Variants in RBFOX1 observed in about 807,000 individuals in gnomAD.
The protein encoded by RBFOX1 is RNA binding protein fox-1 homolog 1.
In RBFOX1, 8 loss-of-function variants were observed where a neutral mutation model predicts 57.7. That is an observed-to-expected ratio of 0.14 (90% CI 0.08 to 0.25). The LOEUF (loss-of-function observed/expected upper bound fraction) is 0.25, where lower values mean the gene tolerates loss of function less well. Among genes scored for constraint, RBFOX1 ranks in the 10% least tolerant of loss-of-function variants. The probability of loss-of-function intolerance (pLI) is 1.00; values close to 1 mark genes in which losing one functional copy is unlikely to be tolerated. For missense variants in RBFOX1, 611 were observed against 548.5 expected (o/e 1.11, Z -1.14); for synonymous variants, 326 against 222.4 (o/e 1.47, Z -4.15).
intron 1 of RBFOX1, among the ~76,000 whole-genome samples, chr16:5,373,898 C>A (rs1159894203): frequency 1.3e-5 from 2 of 152,026 alleles, no homozygotes; most frequent in East Asian, 3.9e-4. Context: ...GCCACTGTGC[C>A]CAGCCAAACT....
chr16:7,358,183 G>C (rs2097254064), intron 4 of RBFOX1, among the ~76,000 whole-genome samples: 1 of 152,194 alleles, frequency 6.6e-6, no homozygotes, highest in Admixed American at 6.5e-5. Flanking sequence ...TGGATATGCA[G>C]AAGCTGTCCT....
intron 3 of RBFOX1, among the ~76,000 whole-genome samples, chr16:6,786,485 T>C (rs867040086): frequency 6.6e-6 from 1 of 152,140 alleles, no homozygotes. Flanking sequence ...CAAAGAGCTG[T>C]GTAGCCCCTT....
intron 3 of RBFOX1, among the ~76,000 whole-genome samples, chr16:6,845,660 AC>A (rs2093715071): frequency 7.0e-6 from 1 of 142,572 alleles, no homozygotes. Flanking sequence ...TTCTCATTCT[AC>A]AAAGAGAAAA....
intron 4 of RBFOX1, among the ~76,000 whole-genome samples, chr16:5,966,298 G>T (rs1043603242): frequency 2.6e-5 from 4 of 152,134 alleles, no homozygotes; most frequent in African/African-American, 9.7e-5. Context: ...GGTTTCATTG[G>T]CTCATGGTTC....
chr16:6,047,167 A>G (rs1443988494), intron 1 of RBFOX1, among the ~76,000 whole-genome samples: 1 of 152,240 alleles, frequency 6.6e-6, no homozygotes, highest in African/African-American at 2.4e-5. Flanking sequence ...AAATTAAACC[A>G]GTACCTGACA....
At chr16:7,043,513 A>T in intron 3 of RBFOX1, among the ~76,000 whole-genome samples, 1 of 152,192 alleles carries the variant, frequency 6.6e-6, no homozygotes. Flanking sequence ...TTATAGGAAA[A>T]TGCCATCTTG....
chr16:7,317,389 T>TC (rs1425218253), intron 4 of RBFOX1, among the ~76,000 whole-genome samples: 1 of 151,982 alleles, frequency 6.6e-6, no homozygotes, highest in Admixed American at 6.6e-5. Context: ...AGGCCAAAGC[T>TC]CCCAGAGCTC....
chr16:5,521,758 A>G (rs1313651615), intron 2 of RBFOX1, among the ~76,000 whole-genome samples: 2 of 152,220 alleles, frequency 1.3e-5, no homozygotes, highest in African/African-American at 4.8e-5. Flanking sequence ...CAATATACCC[A>G]GGTATGCATC....
intron 4 of RBFOX1, among the ~76,000 whole-genome samples, chr16:7,179,298 G>C (rs914005912): frequency 2.0e-5 from 3 of 151,734 alleles, no homozygotes; most frequent in African/African-American, 7.3e-5. Flanking sequence ...GAAGTGTCAA[G>C]AGATTCTGTG....
chr16:5,478,250 G>A (rs1302406272), intron 2 of RBFOX1, among the ~76,000 whole-genome samples: 2 of 151,676 alleles, frequency 1.3e-5, no homozygotes, highest in Non-Finnish European at 2.9e-5. Context: ...TCTAAAAGCC[G>A]GATGATATTC....
At chr16:7,375,159 T>G (rs544365667) in intron 4 of RBFOX1, among the ~76,000 whole-genome samples, 1 of 152,232 alleles carries the variant, frequency 6.6e-6, no homozygotes, top group African/African-American at 2.4e-5. Flanking sequence ...GTTGGTAGAT[T>G]AATATCATTA....
chr16:7,527,879 T>C (rs896139714), intron 5 of RBFOX1, among the ~76,000 whole-genome samples: 1 of 152,212 alleles, frequency 6.6e-6, no homozygotes, highest in Non-Finnish European at 1.5e-5. Context: ...GGAGAATACA[T>C]TCATCATAAG....
intron 4 of RBFOX1, among the ~76,000 whole-genome samples, chr16:7,365,933 T>G (rs28409301): frequency 1.1e-4 from 16 of 152,274 alleles, no homozygotes; most frequent in African/African-American, 3.8e-4. Flanking sequence ...CAAACTAGCT[T>G]CCTGCACATG....
intron 4 of RBFOX1, among the ~76,000 whole-genome samples, chr16:5,906,945 C>T (rs917157379): frequency 6.6e-6 from 1 of 151,892 alleles, no homozygotes; most frequent in African/African-American, 2.4e-5. Flanking sequence ...ACATGTTGGT[C>T]AGGCTGGTCT....
At chr16:7,319,753 G>A (rs556350438) in intron 4 of RBFOX1, among the ~76,000 whole-genome samples, 6 of 152,302 alleles carry the variant, frequency 3.9e-5, no homozygotes, top group Non-Finnish European at 8.8e-5. Context: ...AGGAAAGGAA[G>A]TAGGATTTGG....
intron 14 of RBFOX1, among the ~76,000 whole-genome samples, chr16:7,706,574 A>G (rs79823230): frequency 0.016 from 2,432 of 152,326 alleles, 24 homozygotes; most frequent in Non-Finnish European, 0.024. Flanking sequence ...CATTTCCCCA[A>G]TTTTTAAAAT....
At chr16:5,467,394 C>T (rs1234362077) in intron 2 of RBFOX1, 1 of 762,214 alleles carries the variant, frequency 1.3e-6, no homozygotes, top group Non-Finnish European at 2.0e-6. Flanking sequence ...CAGTTCATCC[C>T]TTAGCAAGAA....
At chr16:6,668,643 A>G (rs2098746809) in intron 3 of RBFOX1, among the ~76,000 whole-genome samples, 1 of 152,200 alleles carries the variant, frequency 6.6e-6, no homozygotes, top group South Asian at 2.1e-4. Context: ...TGTCATCCTC[A>G]TATAACTAGG....
chr16:7,707,846 C>A (rs777053020), intron 14 of RBFOX1, among the ~76,000 whole-genome samples: 5 of 152,104 alleles, frequency 3.3e-5, no homozygotes, highest in African/African-American at 4.8e-5. Flanking sequence ...ACCTACTTGC[C>A]CCTCTCTTCC....
Sources: allele counts gnomAD v4.1 joint callset (sites outside exome capture counted in the v4.1 genomes callset), GRCh38; gene constraint gnomAD v4.1.1; transcripts MANE v1.5; gene names NCBI Gene and HGNC (gene_info 2026-07-23, HGNC 2026-07-21).